Variants in CACNA2D4 observed in about 807,000 individuals in gnomAD.
CACNA2D4 encodes the protein calcium voltage-gated channel auxiliary subunit alpha2delta 4.
In CACNA2D4, 157 loss-of-function variants were observed where a neutral mutation model predicts 163.8. That is an observed-to-expected ratio of 0.96 (90% CI 0.84 to 1.09). The LOEUF is 1.09. CACNA2D4 is among the 50% of genes least tolerant of loss of function. The pLI is 0.00. For missense variants in CACNA2D4, 1,410 were observed against 1,479.9 expected, an observed-to-expected ratio of 0.95 and a Z score of 0.78; for synonymous variants, 598 against 586.9, an observed-to-expected ratio of 1.02 and a Z score of -0.27.
At chr12:1,876,751 A>C (rs1592727587) in intron 16 of CACNA2D4, among the ~76,000 whole-genome samples, 1 of 152,250 alleles carries the variant, frequency 6.6e-6, no homozygotes, top group East Asian at 1.9e-4. Context: ...ATACTCATCA[A>C]ACAGCCCTGT....
At chr12:1,854,597 G>A (rs538478933) in intron 22 of CACNA2D4, among the ~76,000 whole-genome samples, 2 of 152,298 alleles carry the variant, frequency 1.3e-5, no homozygotes, top group East Asian at 1.9e-4. Context: ...GTAGAGACAA[G>A]GTTTCACTAT....
intron 26 of CACNA2D4, among the ~76,000 whole-genome samples, chr12:1,825,229 C>G (rs1247737960): frequency 6.6e-6 from 1 of 152,166 alleles, no homozygotes; most frequent in East Asian, 1.9e-4. Context: ...GTGGGAGACA[C>G]TGAGGGATGG....
intron 27 of CACNA2D4, 57 bp from the exon 28 acceptor site, chr12:1,810,644 G>C: frequency 6.7e-7 from 1 of 1,499,834 alleles, no homozygotes; most frequent in South Asian, 1.2e-5. Context: ...GAAATGGCAC[G>C]TGTAAGTGGG....
At chr12:1,866,511 G>C (rs1865654095) in intron 18 of CACNA2D4, among the ~76,000 whole-genome samples, 1 of 152,158 alleles carries the variant, frequency 6.6e-6, no homozygotes, top group Admixed American at 6.5e-5. Context: ...CTGTCCTGTA[G>C]ACCTGCAGTT....
chr12:1,826,235 G>A (rs1864310035), intron 26 of CACNA2D4, among the ~76,000 whole-genome samples: 1 of 152,254 alleles, frequency 6.6e-6, no homozygotes, highest in Middle Eastern at 3.4e-3. Flanking sequence ...GAATTTCCAT[G>A]GTGATGGGCA....
intron 29 of CACNA2D4, among the ~76,000 whole-genome samples, chr12:1,804,043 C>T (rs1245867122): frequency 6.6e-6 from 1 of 152,138 alleles, no homozygotes; most frequent in Non-Finnish European, 1.5e-5. Flanking sequence ...CTTCACGGCG[C>T]AGCCCTGAAG....
chr12:1,813,730 T>C (rs1039177424), intron 26 of CACNA2D4, among the ~76,000 whole-genome samples: 1 of 152,058 alleles, frequency 6.6e-6, no homozygotes, highest in African/African-American at 2.4e-5. Context: ...ATGGGAACAT[T>C]TGAGTGCTTT....
chr12:1,827,811 G>T, intron 26 of CACNA2D4: 1 of 307,470 alleles, frequency 3.3e-6, no homozygotes, highest in Non-Finnish European at 6.0e-6. Flanking sequence ...GGCAGATGAG[G>T]CTGGGTAGGC....
chr12:1,796,827 G>A (rs1863142879), intron 35 of CACNA2D4, among the ~76,000 whole-genome samples: 1 of 152,178 alleles, frequency 6.6e-6, no homozygotes, highest in South Asian at 2.1e-4. Flanking sequence ...GGGTGCGGGG[G>A]GTCAGCAGGA....
chr12:1,873,603 C>T (rs559785334), intron 18 of CACNA2D4, among the ~76,000 whole-genome samples: 5 of 152,316 alleles, frequency 3.3e-5, no homozygotes, highest in South Asian at 4.1e-4. Flanking sequence ...GTGCTGTGGC[C>T]GTGCTGGGCT....
At chr12:1,886,423 C>A in intron 7 of CACNA2D4, 50 bp from the exon 8 acceptor site, 2 of 1,559,932 alleles carry the variant, frequency 1.3e-6, no homozygotes, top group Non-Finnish European at 8.8e-7. Context: ...AAGCCGGAAC[C>A]AATACCTGAC....
chr12:1,864,877 G>C (rs1482909192), intron 18 of CACNA2D4, among the ~76,000 whole-genome samples: 2 of 152,244 alleles, frequency 1.3e-5, no homozygotes, highest in Non-Finnish European at 2.9e-5. Context: ...CTGGGGTCAG[G>C]AAGAGTCGTA....
chr12:1,804,068 T>C (rs780772485), intron 29 of CACNA2D4, among the ~76,000 whole-genome samples: 3 of 151,958 alleles, frequency 2.0e-5, no homozygotes, highest in Non-Finnish European at 2.9e-5. Flanking sequence ...CCCTGGTGCC[T>C]CCAGCTGGAG....
At chr12:1,826,798 G>A (rs1244269387) in intron 26 of CACNA2D4, among the ~76,000 whole-genome samples, 1 of 152,212 alleles carries the variant, frequency 6.6e-6, no homozygotes, top group African/African-American at 2.4e-5. Context: ...GACCAGAGGG[G>A]AGAAGATGGG....
Position 1,858,624 on chromosome 12 carries a change from C to A in CACNA2D4, c.1961G>T (p.Arg654Leu), listed in dbSNP as rs766608515. Residue 654 changes from arginine (R) to leucine (L), a missense_variant, in exon 20 of 38, where the codon CGG becomes CTG. By Grantham distance (102) the Arg-to-Leu change is moderately radical (BLOSUM62 -2). Coordinates refer to ENST00000382722, the MANE Select transcript of CACNA2D4 (RefSeq NM_172364.5). ...CAGAAGGATGTATTCTCCGTGGCCC[C>A]GGGACAGCACCACCCCCAAACTGTG... The part of the protein sequence containing the change: ...TPFSLGVVLS[R>L]GHGEYILLGN... 2 of 1,609,160 alleles carry A rather than the reference C, an allele frequency of 1.2e-6. No individual in the cohort carries two copies. The highest frequency in any genetic ancestry group is 1.7e-6 in the Non-Finnish European group (2 of 1,177,236).
intron 3 of CACNA2D4, 135 bp downstream of exon 3, chr12:1,912,888 A>G: frequency 1.6e-6 from 1 of 619,074 alleles, no homozygotes; most frequent in Non-Finnish European, 2.9e-6. Flanking sequence ...TAACGAAGGT[A>G]CAAGGCGGAA....
Position 1,844,670 on chromosome 12 carries a change from C to A in CACNA2D4, c.2343-141G>T. 1.2e-6 allele frequency: 1 copy of A among 827,160 alleles called. No homozygotes were observed. The highest frequency in any genetic ancestry group is 1.9e-6 in the Non-Finnish European group (1 of 539,832). The allele number at this position is 827,160 out of a possible 1,614,324, so 51.2% of individuals were successfully genotyped here. A position where few individuals can be genotyped will look rare whatever the true frequency, so the allele number is the denominator to read the frequency against. ...ATTAGTACGGCCCCAGACAATGCTT[C>A]CCAGCAATTCTCGCCTTTTCCAGAA... On this transcript the variant is annotated intron_variant, in intron 24 of 37. Transcript: ENST00000382722. This position sits in a 1 kb window ranked among gnomAD's most constrained non-coding sequence, Gnocchi z 4.2.
chr12:1,839,816 T>A (rs1300994489), intron 26 of CACNA2D4, among the ~76,000 whole-genome samples: 1 of 152,006 alleles, frequency 6.6e-6, no homozygotes, highest in East Asian at 1.9e-4. Context: ...ATCCACTGTT[T>A]GCTCTATAAA....
At chr12:1,863,302 C>T (rs891929556) in intron 18 of CACNA2D4, among the ~76,000 whole-genome samples, 1 of 152,196 alleles carries the variant, frequency 6.6e-6, no homozygotes, top group African/African-American at 2.4e-5. Flanking sequence ...ATTCTTTGGT[C>T]AATACCACCC....
Sources: gnomAD v4.1 joint callset for allele counts (sites outside exome capture counted in the v4.1 genomes callset) on GRCh38, gnomAD v4.1.1 for gene constraint, Gnocchi (gnomAD v3.1) non-coding constraint, MANE v1.5 for transcripts, NCBI Gene and HGNC (gene_info 2026-07-23, HGNC 2026-07-21) for gene names.